The following SLC5A1 variants were observed in gnomAD, a reference collection of about 807,000 sequenced individuals.
SLC5A1 encodes the protein solute carrier family 5 member 1.
SLC5A1 carries 42 observed loss-of-function variants against 73.5 expected under a neutral mutation model. That is an observed-to-expected ratio of 0.57 (90% CI 0.45 to 0.74). The LOEUF (loss-of-function observed/expected upper bound fraction) is 0.74. Among genes scored for constraint, SLC5A1 ranks in the 30% least tolerant of loss-of-function variants. The pLI is 0.00. For missense variants in SLC5A1, 634 were observed against 855.4 expected, an observed-to-expected ratio of 0.74 and a Z score of 3.23; for synonymous variants, 300 against 317.4, an observed-to-expected ratio of 0.95 and a Z score of 0.58.
intron 11 of SLC5A1, 138 bp from the exon 12 acceptor site, chr22:32,099,045 G>A (rs1229920130): frequency 3.4e-5 from 6 of 175,390 alleles, no homozygotes; most frequent in Admixed American, 7.7e-5. Flanking sequence ...GAGATGCACC[G>A]CTGCACTCCA....
chr22:32,086,355 G>C (rs201434074), intron 10 of SLC5A1, 28 bp downstream of exon 10: 641 of 1,498,740 alleles, frequency 4.3e-4, no homozygotes, highest in Non-Finnish European at 5.7e-4. Context: ...GAGGTTGGTA[G>C]AGTCTTTCTT....
Position 32,110,198 on chromosome 22 carries a change from T to G in SLC5A1, c.1980T>G (p.His660Gln), listed in dbSNP as rs777089574. The change falls in exon 15 of 15, where the codon CAT becomes CAG. Residue 660 changes from histidine to glutamine, a missense_variant. His to Gln is a conservative substitution (Grantham distance 24, BLOSUM62 0). This residue lies in a region of SLC5A1 where 161 missense variants were observed against 178.7 expected (regional missense o/e 0.90). Coordinates refer to ENST00000266088, the MANE Select transcript of SLC5A1 (RefSeq NM_000343.4). ...TGGTGACCGTGGCTGTCTTTTGCCATGCATATTTTGCCTGAGTCCTACCTT... is the reference window on the plus strand; with the variant it reads ...TGGTGACCGTGGCTGTCTTTTGCCAGGCATATTTTGCCTGAGTCCTACCTT... ...IILVTVAVFC[H>Q]AYFA The G allele has an allele frequency of 1.9e-6, 3 of 1,613,308 alleles. No homozygotes were observed. The highest frequency in any genetic ancestry group is 2.5e-6 in the Non-Finnish European group (3 of 1,179,510).
chr22:32,060,199 A>T (rs12158314), intron 2 of SLC5A1, among the ~76,000 whole-genome samples: 15,623 of 136,486 alleles, frequency 0.11, 2,350 homozygotes, highest in African/African-American at 0.39. Flanking sequence ...ATATATATAT[A>T]TTTTTTTAAG....
chr22:32,079,995 C>T (rs1246419503), intron 5 of SLC5A1, among the ~76,000 whole-genome samples: 2 of 152,204 alleles, frequency 1.3e-5, no homozygotes, highest in Non-Finnish European at 2.9e-5. Context: ...CACTTCCAAC[C>T]ACTGAGAATC....
Position 32,081,925 on chromosome 22 carries a change from A to G in SLC5A1, c.537A>G (p.Leu179=), listed in dbSNP as rs373939295. 1.2e-5 allele frequency: 20 copies of G among 1,613,690 alleles called. No homozygotes were observed. In the African/African-American group the frequency reaches 2.3e-4, roughly 18 times the overall value. Residue 179 remains leucine (L), a synonymous_variant, in exon 6 of 15, where the codon TTA becomes TTG. Coordinates refer to ENST00000266088, the MANE Select transcript of SLC5A1 (RefSeq NM_000343.4). The part of the protein sequence containing the change: ...INLALGLNLY[L]AIFLLLAITA... ...TGGCCTTAGGCCTGAATCTGTATTTAGCCATCTTTCTCTTATTGGCAATCA... is the reference window on the plus strand; with the variant it reads ...TGGCCTTAGGCCTGAATCTGTATTTGGCCATCTTTCTCTTATTGGCAATCA...
intron 2 of SLC5A1, among the ~76,000 whole-genome samples, chr22:32,057,503 T>C (rs1427069864): frequency 2.0e-5 from 3 of 152,152 alleles, no homozygotes; most frequent in Non-Finnish European, 4.4e-5. Context: ...TGGATTCAAG[T>C]GATCCTCCTG....
intron 11 of SLC5A1, among the ~76,000 whole-genome samples, chr22:32,096,460 C>G (rs748385756): frequency 1.8e-4 from 27 of 152,172 alleles, no homozygotes; most frequent in Non-Finnish European, 3.5e-4. Flanking sequence ...TCCACACTGG[C>G]CATCTTTGAG....
In SLC5A1 at chr22:32,060,144, TACACACACACACAC is replaced by T. The variant is rs61064953; in HGVS notation, c.208-6761_208-6748del. The stretch of plus-strand genomic sequence containing the variant: ...ATACATACACACATATATATACACA[TACACACACACACAC>T]ACACACACACACACACACACACACA... On this transcript the variant is annotated intron_variant, in intron 2 of 14. Coordinates refer to ENST00000266088, the MANE Select transcript of SLC5A1 (RefSeq NM_000343.4). Among the ~76,000 whole-genome samples the T allele has an allele frequency of 3.5e-3, 432 of 125,146 alleles. 2 individuals carry two copies. The highest frequency in any genetic ancestry group is 5.2e-3 in the African/African-American group (133 of 25,816). 82.1% of individuals were successfully genotyped at this position (125,146 alleles called of 152,430 possible).
intron 7 of SLC5A1, 133 bp downstream of exon 7, chr22:32,083,287 C>A (rs144518384): frequency 4.1e-6 from 3 of 732,974 alleles, no homozygotes; most frequent in Non-Finnish European, 7.1e-6. Flanking sequence ...CCCTTCCAAA[C>A]GGAGGGTCCA....
chr22:32,099,140 A>G, intron 11 of SLC5A1, 43 bp from the exon 12 acceptor site: 2 of 868,350 alleles, frequency 2.3e-6, no homozygotes, highest in Non-Finnish European at 3.7e-6. Flanking sequence ...ATACTCATGT[A>G]GAGCTATTTA....
At position 32,043,546 on chromosome 22, in the gene SLC5A1, T is replaced by G; in HGVS notation, c.135+130T>G. ...GAGAGGAAATGACTTGGAAGCACTT[T>G]AGAAGCACTCAGAGGCACAGCATGA... is the stretch of plus-strand genomic sequence containing the variant. On this transcript the variant is annotated intron_variant, in intron 1 of 14. Coordinates refer to ENST00000266088, the MANE Select transcript of SLC5A1 (RefSeq NM_000343.4). The surrounding 1 kb of genome is among the most constrained non-coding windows in gnomAD (Gnocchi z 6.5). The G allele has an allele frequency of 2.0e-6, 2 of 993,544 alleles. 1 individual carries two copies. The highest frequency in any genetic ancestry group is 2.8e-5 in the South Asian group (2 of 72,396). The allele number at this position is 993,544 out of a possible 1,614,324, so 61.5% of individuals were successfully genotyped here. A position where few individuals can be genotyped will look rare whatever the true frequency, so the allele number is the denominator to read the frequency against.
At chr22:32,104,702 G>C in intron 13 of SLC5A1, 84 bp from the exon 14 acceptor site, 1 of 942,128 alleles carries the variant, frequency 1.1e-6, no homozygotes, top group South Asian at 1.4e-5. Context: ...TCCCTTCCTT[G>C]ATGCATATCT....
intron 4 of SLC5A1, 39 bp from the exon 5 acceptor site, chr22:32,068,457 C>A (rs1410357043): frequency 3.2e-6 from 4 of 1,247,442 alleles, no homozygotes; most frequent in Non-Finnish European, 3.5e-6. Context: ...GCCCTCTGGT[C>A]ACTGTGGCTG....
intron 10 of SLC5A1, among the ~76,000 whole-genome samples, chr22:32,091,296 C>G: frequency 9.4e-6 from 1 of 106,022 alleles, no homozygotes; most frequent in East Asian, 2.6e-4. Context: ...CACACATACA[C>G]AAACACACAC....
intron 5 of SLC5A1, among the ~76,000 whole-genome samples, chr22:32,080,906 A>G (rs1455834202): frequency 6.6e-6 from 1 of 152,154 alleles, no homozygotes; most frequent in Non-Finnish European, 1.5e-5. Context: ...AGGCAGGAGA[A>G]TCGCTTGAAC....
intron 5 of SLC5A1, among the ~76,000 whole-genome samples, chr22:32,069,082 TA>T (rs2093978735): frequency 1.3e-5 from 2 of 152,094 alleles, no homozygotes; most frequent in Non-Finnish European, 2.9e-5. Context: ...CACTCGGCCT[TA>T]AAAAAGAAGG....
intron 5 of SLC5A1, among the ~76,000 whole-genome samples, chr22:32,077,191 G>A (rs1028311815): frequency 2.0e-5 from 3 of 151,254 alleles, no homozygotes; most frequent in Non-Finnish European, 4.4e-5. Context: ...TTTCCCTTCT[G>A]CCTCCCCTTT....
At chr22:32,084,825 G>A in intron 8 of SLC5A1, 75 bp from the exon 9 acceptor site, 3 of 1,602,676 alleles carry the variant, frequency 1.9e-6, no homozygotes, top group Non-Finnish European at 2.6e-6. Context: ...GACCCAAGAT[G>A]GCGAAGCTAG....
intron 6 of SLC5A1, 75 bp from the exon 7 acceptor site, chr22:32,082,999 G>A: frequency 7.5e-7 from 1 of 1,326,594 alleles, no homozygotes; most frequent in Non-Finnish European, 1.1e-6. Flanking sequence ...GTAGAGGGTG[G>A]AGAGTGGGGA....
Sources: allele counts gnomAD v4.1 joint callset (sites outside exome capture counted in the v4.1 genomes callset), GRCh38; gene constraint gnomAD v4.1.1; regional missense constraint gnomAD v4.1.1; non-coding constraint Gnocchi (gnomAD v3.1); transcripts MANE v1.5; gene names NCBI Gene and HGNC (gene_info 2026-07-23, HGNC 2026-07-21).